SLC9A6: variants seen among roughly 807,000 people sequenced by gnomAD.
SLC9A6 encodes the protein solute carrier family 9 member A6, also known as sodium/hydrogen exchanger 6.
In SLC9A6, 6 loss-of-function variants were observed where a neutral mutation model predicts 45.3. The ratio of observed to expected loss-of-function variants is 0.13; its 90% CI spans 0.07 to 0.26. SLC9A6 has a LOEUF of 0.26. Among genes scored for constraint, SLC9A6 ranks in the 10% least tolerant of loss-of-function variants. SLC9A6 has a pLI of 1.00. For synonymous variants in SLC9A6, 191 were observed against 187.7 expected, an observed-to-expected ratio of 1.02 and a Z score of -0.14; for missense variants, 278 against 503.7, an observed-to-expected ratio of 0.55 and a Z score of 4.29.
chrX:136,006,027 C>T (rs185978189), intron 7 of SLC9A6, among the ~76,000 whole-genome samples: 1 of 111,635 alleles, frequency 9.0e-6, no homozygotes, highest in Non-Finnish European at 1.9e-5. Flanking sequence ...GTTGTGTGCT[C>T]GCTGTGGGAG....
In SLC9A6 at chrX:136,046,512, T is replaced by C. The variant is rs1212637585; in HGVS notation, c.*1788T>C. ...TCAGTGTCACTTACCCACAAAGTTA[T>C]TCAAGTTGTAAAAGGTTATACAATA... On this transcript the variant is annotated 3_prime_UTR_variant, in exon 18 of 18. Coordinates refer to ENST00000630721, the MANE Select transcript of SLC9A6 (RefSeq NM_001379110.1). 8.8e-6 allele frequency: 1 copy of C among 113,031 alleles called. No individual in the cohort carries two copies. The highest frequency in any genetic ancestry group is 3.2e-5 in the African/African-American group (1 of 31,005). 9.3% of individuals were successfully genotyped at this position (113,031 alleles called of 1,213,427 possible). A position where few individuals can be genotyped will look rare whatever the true frequency, so the allele number is the denominator to read the frequency against.
At chrX:136,020,028 T>C (rs1162697915) in intron 11 of SLC9A6, among the ~76,000 whole-genome samples, 2 of 112,335 alleles carry the variant, frequency 1.8e-5, no homozygotes, top group African/African-American at 3.2e-5. Flanking sequence ...TACATGTTCT[T>C]TGGGAGGAAG....
chrX:135,992,292 G>C (rs952308), intron 2 of SLC9A6, among the ~76,000 whole-genome samples: 8,131 of 110,368 alleles, frequency 0.074, 321 homozygotes, highest in African/African-American at 0.16. Context: ...AATCCTTCTC[G>C]CCTCCTGTCA....
At chrX:136,012,744 G>T (rs1392023096) in intron 8 of SLC9A6, among the ~76,000 whole-genome samples, 1 of 112,429 alleles carries the variant, frequency 8.9e-6, no homozygotes, top group Non-Finnish European at 1.9e-5. Flanking sequence ...AAGCCGTAAG[G>T]CTTCCTCACT....
intron 13 of SLC9A6, among the ~76,000 whole-genome samples, chrX:136,025,983 G>A (rs782102894): frequency 2.7e-5 from 3 of 111,270 alleles, no homozygotes; most frequent in East Asian, 2.8e-4. Context: ...TACCATCCCC[G>A]CAAAAAGAAA....
intron 2 of SLC9A6, among the ~76,000 whole-genome samples, chrX:135,991,161 C>A (rs781878393): frequency 9.0e-6 from 1 of 111,526 alleles, no homozygotes; most frequent in South Asian, 3.7e-4. Context: ...TACTACTGTT[C>A]ACGAATGAAT....
intron 7 of SLC9A6, among the ~76,000 whole-genome samples, chrX:136,006,429 C>G (rs2089656302): frequency 9.4e-6 from 1 of 106,431 alleles, no homozygotes; most frequent in Admixed American, 1.0e-4. Flanking sequence ...ATATTAAGCA[C>G]AGCATCCATT....
chrX:136,003,932 ATTAC>A (rs1255769954), intron 7 of SLC9A6, among the ~76,000 whole-genome samples: 2 of 110,985 alleles, frequency 1.8e-5, no homozygotes, highest in Admixed American at 9.7e-5. Context: ...GTAGTTATGT[ATTAC>A]TTATACCAAT....
At chrX:135,996,076 G>C (rs1345160685) in intron 3 of SLC9A6, among the ~76,000 whole-genome samples, 2 of 92,459 alleles carry the variant, frequency 2.2e-5, no homozygotes, top group Non-Finnish European at 4.2e-5. Context: ...CTGTCACCCA[G>C]GCTGGAGTGT....
intron 12 of SLC9A6, among the ~76,000 whole-genome samples, chrX:136,022,920 G>A (rs1238748706): frequency 1.9e-5 from 2 of 108,102 alleles, no homozygotes; most frequent in Non-Finnish European, 3.8e-5. Context: ...AGCAATTCTC[G>A]TGCCTCAGCC....
Position 136,044,837 on chromosome X carries a change from CT to C in SLC9A6, c.*114del. ...TCTGAATGTGTAAGCTATATAAATGCTATTTATATGGCATAGAAAGAATATA... is the reference window on the plus strand; with the variant it reads ...TCTGAATGTGTAAGCTATATAAATGCATTTATATGGCATAGAAAGAATATA... On this transcript the variant is annotated 3_prime_UTR_variant, in exon 18 of 18. Transcript: ENST00000630721. 1.3e-5 allele frequency: 8 copies of C among 639,522 alleles called. No individual in the cohort carries two copies. The highest frequency in any genetic ancestry group is 2.2e-5 in the African/African-American group (1 of 46,286). 52.7% of individuals were successfully genotyped at this position (639,522 alleles called of 1,213,427 possible).
chrX:135,974,005 T>C (rs1569523474), upstream of SLC9A6: 16 of 707,408 alleles, frequency 2.3e-5, no homozygotes, highest in South Asian at 2.3e-5. Flanking sequence ...CGCCGGCAAA[T>C]GGGGGCAGGG....
chrX:136,044,400 A>G lies in SLC9A6; in HGVS notation c.1768-52A>G, dbSNP rs146973512. The G allele has an allele frequency of 1.8e-3, 1,971 of 1,080,925 alleles. 28 individuals carry two copies. In the African/African-American group the frequency reaches 0.032, roughly 18 times the overall value. The allele number at this position is 1,080,925 out of a possible 1,213,427, so 89.1% of individuals were successfully genotyped here. A position where few individuals can be genotyped will look rare whatever the true frequency, so the allele number is the denominator to read the frequency against. On this transcript the variant is annotated intron_variant, in intron 17 of 17. Coordinates refer to ENST00000630721, the MANE Select transcript of SLC9A6 (RefSeq NM_001379110.1). The stretch of plus-strand genomic sequence containing the variant: ...ATCCTCGAAAATACTCCTATTGGAA[A>G]TGTCTCTTGAACTTCTCAAAAATTC...
intron 12 of SLC9A6, among the ~76,000 whole-genome samples, chrX:136,023,497 A>T (rs908082071): frequency 1.8e-5 from 2 of 109,063 alleles, no homozygotes; most frequent in African/African-American, 6.7e-5. Context: ...CCCATACAGC[A>T]TGGATGAATC....
chrX:136,001,143 G>A (rs781962800), intron 6 of SLC9A6, among the ~76,000 whole-genome samples: 11 of 109,928 alleles, frequency 1.0e-4, no homozygotes, highest in African/African-American at 3.6e-4. Context: ...AGACCATCCT[G>A]ACTAACACGG....
intron 14 of SLC9A6, chrX:136,029,685 C>T: frequency 6.7e-6 from 1 of 149,168 alleles, no homozygotes. Context: ...ATCCATTAGC[C>T]TATGAAAAAC....
chrX:135,988,469 T>TC (rs2089374956), intron 2 of SLC9A6, among the ~76,000 whole-genome samples: 1 of 106,348 alleles, frequency 9.4e-6, no homozygotes, highest in African/African-American at 3.5e-5. Context: ...TCTTTCTTTC[T>TC]TTCTTTTCTT....
chrX:136,012,980 A>G lies in SLC9A6; in HGVS notation c.917A>G (p.Gln306Arg), dbSNP rs782614799. Residue 306 changes from glutamine (Q) to arginine (R), a missense_variant, in exon 9 of 18, where the codon CAG becomes CGG. By Grantham distance (43) the Gln-to-Arg change is conservative (BLOSUM62 1). Coordinates refer to ENST00000630721, the MANE Select transcript of SLC9A6 (RefSeq NM_001379110.1). ...AAGTTCACCAAATTACGGGAGTTCC[A>G]GTTGTTGGAGACAGGCCTGTTCTTC... is the stretch of plus-strand genomic sequence containing the variant. Reference protein sequence around the residue: ...VTKFTKLREFQLLETGLFFLM... With the variant: ...VTKFTKLREFRLLETGLFFLM... 8.3e-7 allele frequency: 1 copy of G among 1,209,952 alleles called. No homozygotes were observed. The highest frequency in any genetic ancestry group is 2.2e-5 in the Admixed American group (1 of 46,014).
intron 16 of SLC9A6, among the ~76,000 whole-genome samples, chrX:136,037,241 CAT>C (rs1169753612): frequency 7.1e-5 from 8 of 112,066 alleles, no homozygotes; most frequent in South Asian, 3.7e-4. Context: ...AATTTACACA[CAT>C]GTGCATGTGC....
Sources: gnomAD v4.1 joint callset for allele counts (sites outside exome capture counted in the v4.1 genomes callset) on GRCh38, gnomAD v4.1.1 for gene constraint, MANE v1.5 for transcripts, NCBI Gene and HGNC (gene_info 2026-07-23, HGNC 2026-07-21) for gene names.